ATP11A: variants seen among roughly 807,000 people sequenced by gnomAD.
ATP11A encodes phospholipid-transporting ATPase IH.
A neutral mutation model predicts 154.4 loss-of-function variants in ATP11A; 81 were observed. The observed-to-expected ratio is 0.52, with a 90% CI of 0.44 to 0.63. ATP11A has a LOEUF of 0.63. Ranked by LOEUF, ATP11A falls within the 30% of genes least tolerant of loss-of-function variation. The pLI is 0.00. For missense variants in ATP11A, 1,316 were observed against 1,474.3 expected, an observed-to-expected ratio of 0.89 and a Z score of 1.76; for synonymous variants, 623 against 585.9, an observed-to-expected ratio of 1.06 and a Z score of -0.91.
intron 15 of ATP11A, among the ~76,000 whole-genome samples, chr13:112,834,861 C>T (rs1235704665): frequency 6.6e-6 from 1 of 152,236 alleles, no homozygotes; most frequent in Non-Finnish European, 1.5e-5. Flanking sequence ...TGGGTGCAGC[C>T]ACAGCGCTGC....
chr13:112,875,822 C>G lies in ATP11A; in HGVS notation c.3208C>G (p.Leu1070Val), dbSNP rs749936142. 1.2e-6 allele frequency: 2 copies of G among 1,613,892 alleles called. No individual in the cohort carries two copies. Among genetic ancestry groups the G allele is most frequent in the Admixed American group, 1.7e-5 (1 of 60,012 alleles). Residue 1070 changes from leucine to valine, a missense_variant, in exon 28 of 30, where the codon CTG becomes GTG. Physicochemically the swap from Leu to Val is conservative, Grantham distance 32. Around this residue, in one of 5 missense-constraint regions of ATP11A, gnomAD observed 294 missense variants for 290.2 expected, o/e 1.01. Transcript: ENST00000375645. The surrounding 1 kb of genome is among the most constrained non-coding windows in gnomAD (Gnocchi z 4.1). ...GATGTACTACGTGTTCATCCAGATG[C>G]TGTCCAGCGGGCCCGCCTGGCTGGC... ...QRMYYVFIQM[L>V]SSGPAWLAIV...
At chr13:112,780,922 G>A (rs1412724604) in intron 1 of ATP11A, among the ~76,000 whole-genome samples, 4 of 152,186 alleles carry the variant, frequency 2.6e-5, no homozygotes, top group Admixed American at 1.3e-4. Context: ...GTCTGGGAAC[G>A]CGGAGAGAGA....
At chr13:112,872,940 CT>C (rs111612145) in intron 26 of ATP11A, among the ~76,000 whole-genome samples, 2 of 148,944 alleles carry the variant, frequency 1.3e-5, no homozygotes, top group Admixed American at 6.6e-5. Context: ...GTGGCTTTGT[CT>C]TCCTGAGCGG....
At chr13:112,803,411 G>A (rs1195471997) in intron 2 of ATP11A, among the ~76,000 whole-genome samples, 4 of 152,312 alleles carry the variant, frequency 2.6e-5, no homozygotes, top group East Asian at 1.9e-4. Flanking sequence ...ACCCACCTTC[G>A]AATGGGATTT....
intron 1 of ATP11A, among the ~76,000 whole-genome samples, chr13:112,700,044 A>ATTTT (rs5806957): frequency 1.2e-3 from 174 of 139,874 alleles, no homozygotes; most frequent in African/African-American, 4.5e-3. Flanking sequence ...GACAAAGGTA[A>ATTTT]TTTTTTTTTT....
At chr13:112,716,665 C>G (rs903069479) in intron 1 of ATP11A, among the ~76,000 whole-genome samples, 6 of 152,170 alleles carry the variant, frequency 3.9e-5, no homozygotes, top group Admixed American at 3.9e-4. Context: ...GTCTTGGGCA[C>G]GTCGATGGGG....
At chr13:112,863,370 G>A (rs9549312) in intron 25 of ATP11A, among the ~76,000 whole-genome samples, 2,010 of 16,630 alleles carry the variant, frequency 0.12, no homozygotes, top group African/African-American at 0.15. Flanking sequence ...AATTCAGTGC[G>A]GCCCATGCAG....
At chr13:112,849,304 G>A (rs562548458) in intron 17 of ATP11A, among the ~76,000 whole-genome samples, 11 of 152,254 alleles carry the variant, frequency 7.2e-5, no homozygotes, top group Admixed American at 7.2e-4. Flanking sequence ...TTTCTTGTAG[G>A]GTATTTGTCT....
At chr13:112,795,539 T>G (rs927064959) in intron 2 of ATP11A, among the ~76,000 whole-genome samples, 1 of 152,246 alleles carries the variant, frequency 6.6e-6, no homozygotes, top group African/African-American at 2.4e-5. Context: ...CGTGTACTTT[T>G]CATCTGAAAG....
chr13:112,734,353 G>A (rs1370203586), intron 1 of ATP11A, among the ~76,000 whole-genome samples: 4 of 152,164 alleles, frequency 2.6e-5, no homozygotes, highest in South Asian at 4.1e-4. Context: ...TTAAGAAACC[G>A]TTGCAAGCAC....
intron 1 of ATP11A, among the ~76,000 whole-genome samples, chr13:112,720,238 G>A (rs180889483): frequency 6.6e-4 from 100 of 152,332 alleles, no homozygotes; most frequent in Non-Finnish European, 7.3e-5. Flanking sequence ...GCCACAAATC[G>A]GTACATGGAA....
In ATP11A at chr13:112,785,703, T is replaced by G. The variant is rs2077608786; in HGVS notation, c.162+446T>G. Among the ~76,000 whole-genome samples, 1 of 152,132 alleles carries G rather than the reference T, an allele frequency of 6.6e-6. No homozygotes were observed. Among genetic ancestry groups the G allele is most frequent in the Admixed American group, 6.5e-5 (1 of 15,284 alleles). On this transcript the variant is annotated intron_variant, in intron 2 of 29. Transcript: ENST00000375645. This position sits in a 1 kb window ranked among gnomAD's most constrained non-coding sequence, Gnocchi z 4.8. ...GACAGCAAAACCTGGGGGGAAATCT[T>G]TGAGCTTGTTCACGAGGTGCAGCCC...
intron 3 of ATP11A, 75 bp downstream of exon 3, chr13:112,805,121 C>A: frequency 9.2e-7 from 1 of 1,089,774 alleles, no homozygotes; most frequent in South Asian, 1.5e-5. Flanking sequence ...AGGTAACTGC[C>A]ACACGGCTAA....
intron 20 of ATP11A, chr13:112,856,907 T>G (rs909506097): frequency 9.9e-5 from 15 of 152,182 alleles, no homozygotes; most frequent in African/African-American, 3.6e-4. Context: ...TCAATTTCAC[T>G]AAAAACACAG....
In ATP11A at chr13:112,859,634, T is replaced by C. The variant is rs1229736350; in HGVS notation, c.2727+182T>C. On this transcript the variant is annotated intron_variant, in intron 23 of 29. Transcript: ENST00000375645. This position sits in a 1 kb window ranked among gnomAD's most constrained non-coding sequence, Gnocchi z 4.3. ...GGCCTGGGGAGGGGGGCCACGGAGCTGAGGAGTTGCCGTCCTGGAGGCCCC... is the reference window on the plus strand; with the variant it reads ...GGCCTGGGGAGGGGGGCCACGGAGCCGAGGAGTTGCCGTCCTGGAGGCCCC... Among the ~76,000 whole-genome samples the C allele has an allele frequency of 6.6e-6, 1 of 152,140 alleles. No homozygotes were observed. Among genetic ancestry groups the C allele is most frequent in the Admixed American group, 6.5e-5 (1 of 15,274 alleles).
At chr13:112,721,006 G>A (rs988139618) in intron 1 of ATP11A, among the ~76,000 whole-genome samples, 1 of 152,114 alleles carries the variant, frequency 6.6e-6, no homozygotes, top group Admixed American at 6.5e-5. Context: ...TTTGGCTCTT[G>A]AAGTCAGAAG....
rs1031752969 is a variant in ATP11A at position 112,838,322 on chromosome 13, C to T, written c.1705+2071C>T. ...GTCACGTGGTTTTCCCCGTAGCAGT[C>T]GAATCTAGCTGTTGAGCCATGGCTG... On this transcript the variant is annotated intron_variant, in intron 16 of 29. Coordinates refer to ENST00000375645, the MANE Select transcript of ATP11A (RefSeq NM_015205.3). This position sits in a 1 kb window ranked among gnomAD's most constrained non-coding sequence, Gnocchi z 7.3. Among the ~76,000 whole-genome samples the T allele has an allele frequency of 1.3e-5, 2 of 152,174 alleles. No individual in the cohort carries two copies. Among genetic ancestry groups the T allele is most frequent in the Admixed American group, 6.5e-5 (1 of 15,286 alleles).
chr13:112,734,562 C>T (rs1890806925), intron 1 of ATP11A, among the ~76,000 whole-genome samples: 1 of 152,238 alleles, frequency 6.6e-6, no homozygotes, highest in East Asian at 1.9e-4. Context: ...AGAGTCAAAC[C>T]CTGACTGTAT....
intron 1 of ATP11A, among the ~76,000 whole-genome samples, chr13:112,693,731 C>T (rs141333259): frequency 1.8e-3 from 278 of 152,198 alleles, no homozygotes; most frequent in Middle Eastern, 0.017. Context: ...GTGGGTGGAT[C>T]GCCTGACATC....
Sources: gnomAD v4.1 joint callset for allele counts (sites outside exome capture counted in the v4.1 genomes callset) on GRCh38, gnomAD v4.1.1 for gene constraint, gnomAD v4.1.1 regional missense constraint, Gnocchi (gnomAD v3.1) non-coding constraint, MANE v1.5 for transcripts, NCBI Gene and HGNC (gene_info 2026-07-23, HGNC 2026-07-21) for gene names.